PRKN: variants seen among roughly 807,000 people sequenced by gnomAD.
The protein encoded by PRKN is parkin RBR E3 ubiquitin protein ligase.
PRKN carries 56 observed loss-of-function variants against 59.5 expected under a neutral mutation model. That is an observed-to-expected ratio of 0.94 (90% CI 0.76 to 1.18). The LOEUF (loss-of-function observed/expected upper bound fraction) is 1.18, where lower values mean the gene tolerates loss of function less well. PRKN is among the 50% of genes most tolerant of loss of function. The probability of loss-of-function intolerance (pLI) is 0.00; values close to 1 mark genes in which losing one functional copy is unlikely to be tolerated. For synonymous variants in PRKN, 250 were observed against 222.1 expected (o/e 1.13, Z -1.12); for missense variants, 657 against 596.4 (o/e 1.10, Z -1.06).
chr6:161,999,853 T>A (rs1583460989), intron 5 of PRKN, among the ~76,000 whole-genome samples: 2 of 152,130 alleles, frequency 1.3e-5, no homozygotes, highest in East Asian at 3.9e-4. Context: ...ATAATAGCAA[T>A]AACAATAATA....
intron 1 of PRKN, among the ~76,000 whole-genome samples, chr6:162,502,595 A>T (rs1562336452): frequency 6.6e-6 from 1 of 152,066 alleles, no homozygotes; most frequent in Non-Finnish European, 1.5e-5. Flanking sequence ...AATAATTACA[A>T]TTCATTATGG....
intron 1 of PRKN, among the ~76,000 whole-genome samples, chr6:162,557,871 A>T (rs1779674567): frequency 6.6e-6 from 1 of 152,138 alleles, no homozygotes; most frequent in Non-Finnish European, 1.5e-5. Flanking sequence ...GACCACCTCA[A>T]AGATGCTACT....
rs144720132 is a variant in PRKN at position 162,608,106 on chromosome 6, A to T, written c.7+119556T>A. 2.0e-3 allele frequency among the ~76,000 whole-genome samples: 299 copies of T among 152,346 alleles called. 1 individual carries two copies. The highest frequency in any genetic ancestry group is 6.9e-3 in the African/African-American group (288 of 41,582). Reference sequence around the variant, plus strand: ...TTTTACAGAAGACAGCAATGCAAAGATTGAAAAGCAAAGGTAGATTCTAGG... The same window carrying T: ...TTTTACAGAAGACAGCAATGCAAAGTTTGAAAAGCAAAGGTAGATTCTAGG... On this transcript the variant is annotated intron_variant, in intron 1 of 11. Transcript: ENST00000366898.
rs57154036 is a variant in PRKN, at chr6:161,498,473, C to T, written c.1083+50381G>A. 1.8e-3 allele frequency among the ~76,000 whole-genome samples: 269 copies of T among 152,290 alleles called. 9 individuals are homozygous for T. In the East Asian group the frequency reaches 0.047, roughly 27 times the overall value. ...CTCACAGGGTCTTCAGCTCCCTTCT[C>T]CCTGAGAGCTTGTGGGAAGGGTGTG... On this transcript the variant is annotated intron_variant, in intron 9 of 11. Coordinates refer to ENST00000366898, the MANE Select transcript of PRKN (RefSeq NM_004562.3). The surrounding 1 kb of genome is among the most constrained non-coding windows in gnomAD (Gnocchi z 4.2).
intron 6 of PRKN, among the ~76,000 whole-genome samples, chr6:161,910,219 G>T (rs561919802): frequency 1.3e-5 from 2 of 152,240 alleles, no homozygotes; most frequent in South Asian, 4.1e-4. Context: ...GGAAGATGCC[G>T]TGAACATTGT....
At chr6:161,966,589 T>C (rs1295791015) in intron 6 of PRKN, among the ~76,000 whole-genome samples, 1 of 152,218 alleles carries the variant, frequency 6.6e-6, no homozygotes, top group Non-Finnish European at 1.5e-5. Context: ...CTTCAAGTGC[T>C]AGACTTACTG....
At chr6:161,655,885 T>TACAC (rs376047879) in intron 7 of PRKN, among the ~76,000 whole-genome samples, 181 of 56,852 alleles carry the variant, frequency 3.2e-3, no homozygotes, top group East Asian at 0.018. Context: ...CACACACACA[T>TACAC]ACACACACAC....
At chr6:162,601,963 A>G (rs910809841) in intron 1 of PRKN, among the ~76,000 whole-genome samples, 12 of 152,340 alleles carry the variant, frequency 7.9e-5, no homozygotes, top group African/African-American at 2.9e-4. Flanking sequence ...ACAAATATTT[A>G]TCAAACATCT....
chr6:161,516,139 C>CAA (rs1054474842), intron 9 of PRKN, among the ~76,000 whole-genome samples: 2 of 152,042 alleles, frequency 1.3e-5, no homozygotes, highest in African/African-American at 4.8e-5. Context: ...CTAGTGTTTC[C>CAA]AAAGTGTTAC....
intron 2 of PRKN, among the ~76,000 whole-genome samples, chr6:162,361,987 T>C (rs939402768): frequency 2.6e-5 from 4 of 152,098 alleles, no homozygotes; most frequent in Non-Finnish European, 4.4e-5. Context: ...TTATGAAAAA[T>C]AGGGACTGTG....
chr6:162,647,734 C>A (rs533931249), intron 1 of PRKN, among the ~76,000 whole-genome samples: 95 of 152,006 alleles, frequency 6.2e-4, no homozygotes, highest in Admixed American at 1.5e-3. Flanking sequence ...TGCCACTCAC[C>A]AAGGAAGCAG....
At chr6:162,322,699 A>T (rs2128122175) in intron 2 of PRKN, among the ~76,000 whole-genome samples, 1 of 152,244 alleles carries the variant, frequency 6.6e-6, no homozygotes, top group South Asian at 2.1e-4. Flanking sequence ...TCTTTTAAAC[A>T]AATGGTTCTA....
chr6:162,456,375 AC>A (rs1324076454), intron 1 of PRKN, among the ~76,000 whole-genome samples: 7 of 152,136 alleles, frequency 4.6e-5, no homozygotes, highest in Non-Finnish European at 8.8e-5. Flanking sequence ...GAAACCATTC[AC>A]CCAAATATAT....
intron 9 of PRKN, among the ~76,000 whole-genome samples, chr6:161,422,545 CCTCT>C (rs1186333682): frequency 9.9e-5 from 15 of 152,092 alleles, no homozygotes; most frequent in African/African-American, 3.4e-4. Flanking sequence ...ACACCTATCT[CCTCT>C]CTTTCTTTGA....
intron 7 of PRKN, among the ~76,000 whole-genome samples, chr6:161,731,091 T>G (rs556442116): frequency 6.6e-5 from 10 of 152,170 alleles, no homozygotes; most frequent in Non-Finnish European, 1.5e-4. Context: ...TGTTGCATTC[T>G]TTCTGATGTG....
intron 9 of PRKN, among the ~76,000 whole-genome samples, chr6:161,455,670 C>A (rs1214813847): frequency 6.6e-6 from 1 of 151,894 alleles, no homozygotes; most frequent in Non-Finnish European, 1.5e-5. Flanking sequence ...CCGAGACCAT[C>A]TTGGCCAACA....
intron 1 of PRKN, among the ~76,000 whole-genome samples, chr6:162,509,103 T>A (rs149682131): frequency 2.6e-5 from 4 of 152,320 alleles, no homozygotes; most frequent in African/African-American, 9.6e-5. Context: ...ATCATTGTTG[T>A]GGCCAATAAC....
At chr6:162,144,478 G>A (rs578260405) in intron 4 of PRKN, among the ~76,000 whole-genome samples, 258 of 152,296 alleles carry the variant, frequency 1.7e-3, no homozygotes, top group African/African-American at 6.0e-3. Context: ...TGAGATCGAG[G>A]TGGAAGGATG....
At chr6:162,026,418 C>A in intron 5 of PRKN, among the ~76,000 whole-genome samples, 1 of 152,190 alleles carries the variant, frequency 6.6e-6, no homozygotes, top group East Asian at 1.9e-4. Context: ...GGTCCTGTAA[C>A]CTACTGAGTT....
Sources: gnomAD v4.1 joint callset for allele counts (sites outside exome capture counted in the v4.1 genomes callset) on GRCh38, gnomAD v4.1.1 for gene constraint, Gnocchi (gnomAD v3.1) non-coding constraint, MANE v1.5 for transcripts, NCBI Gene and HGNC (gene_info 2026-07-23, HGNC 2026-07-21) for gene names.